The following NOTCH2 variants were observed in gnomAD, a reference collection of about 807,000 sequenced individuals.
NOTCH2 encodes neurogenic locus notch homolog protein 2.
In NOTCH2, 29 loss-of-function variants were observed where a neutral mutation model predicts 235.8. The ratio of observed to expected loss-of-function variants is 0.12; its 90% CI spans 0.09 to 0.17. NOTCH2 has a LOEUF of 0.17. Ranked by LOEUF, NOTCH2 falls within the 10% of genes least tolerant of loss-of-function variation. NOTCH2 has a pLI of 1.00. For missense variants in NOTCH2, 2,285 were observed against 3,150.2 expected, an observed-to-expected ratio of 0.73 and a Z score of 6.57; for synonymous variants, 1,086 against 1,141.5, an observed-to-expected ratio of 0.95 and a Z score of 0.98.
rs1654146991 is a variant in NOTCH2 at position 120,032,840 on chromosome 1, CTA to C, written c.74-2855_74-2854del. Among the ~76,000 whole-genome samples, 5 of 135,252 alleles carry C rather than the reference CTA, an allele frequency of 3.7e-5. No individual in the cohort carries two copies. In the South Asian group the frequency reaches 1.3e-3, roughly 36 times the overall value. The allele number at this position is 135,252 out of a possible 152,430, so 88.7% of individuals were successfully genotyped here. A position where few individuals can be genotyped will look rare whatever the true frequency, so the allele number is the denominator to read the frequency against. On this transcript the variant is annotated intron_variant, in intron 1 of 33. Transcript: ENST00000256646. ...GTCCACTTTTAAAAATACTCAAAAG[CTA>C]TATAATATAGAGGTCTTAGATGATT... is the stretch of plus-strand genomic sequence containing the variant.
chr1:119,974,280 AG>A (rs1335193005), intron 5 of NOTCH2, among the ~76,000 whole-genome samples: 1 of 152,222 alleles, frequency 6.6e-6, no homozygotes, highest in Non-Finnish European at 1.5e-5. Flanking sequence ...AGTTTTCAAG[AG>A]CAATAATTAT....
chr1:119,971,115 CCTAT>C (rs752617776), intron 5 of NOTCH2, among the ~76,000 whole-genome samples: 28 of 152,324 alleles, frequency 1.8e-4, no homozygotes, highest in Non-Finnish European at 2.8e-4. Context: ...GTTCTTTATT[CCTAT>C]CTAACATGTA....
intron 1 of NOTCH2, 129 bp downstream of exon 1, chr1:120,069,205 C>G: frequency 3.3e-6 from 5 of 1,527,464 alleles, no homozygotes; most frequent in Non-Finnish European, 4.4e-6. Flanking sequence ...GGGAACCCAG[C>G]GAGTGGCCTC....
Position 119,915,596 on chromosome 1 carries a change from A to G in NOTCH2, c.7126T>C (p.Phe2376Leu). The change falls in exon 34 of 34, where the codon TTC becomes CTC. Residue 2376 changes from phenylalanine to leucine, a missense_variant. Around this residue, in one of 6 missense-constraint regions of NOTCH2, gnomAD observed 504 missense variants for 538.0 expected, o/e 0.94. Transcript: ENST00000256646. Reference sequence around the variant, plus strand: ...GGGTACTTGCCCACAGAGGCTGGGAAAGGATGATAGGCTGGGAGAATGGTC... The same window carrying G: ...GGGTACTTGCCCACAGAGGCTGGGAGAGGATGATAGGCTGGGAGAATGGTC... ...AQTILPAYHP[F>L]PASVGKYPTP... 4 of 1,614,016 alleles carry G rather than the reference A, an allele frequency of 2.5e-6. No homozygotes were observed. The highest frequency in any genetic ancestry group is 3.4e-6 in the Non-Finnish European group (4 of 1,180,022).
chr1:119,941,744 C>G lies in NOTCH2; in HGVS notation c.2763G>C (p.Gln921His), dbSNP rs2101105919. 6.2e-7 allele frequency: 1 copy of G among 1,613,412 alleles called. No individual in the cohort carries two copies. Among genetic ancestry groups the G allele is most frequent in the Non-Finnish European group, 8.5e-7 (1 of 1,179,378 alleles). Residue 921 changes from glutamine (Q) to histidine (H), a missense_variant, in exon 18 of 34, where the codon CAG becomes CAC. Gln to His is a conservative substitution (Grantham distance 24). Coordinates refer to ENST00000256646, the MANE Select transcript of NOTCH2 (RefSeq NM_024408.4). ...CTCCATCCATACAGGAACCTCCATTCTGGCAAGGATCTAAGCCATTACAAA... is the reference window on the plus strand; with the variant it reads ...CTCCATCCATACAGGAACCTCCATTGTGGCAAGGATCTAAGCCATTACAAA... ...DIDDCLANPC[Q>H]NGGSCMDGVN... is the part of the protein sequence containing the mutation.
At chr1:119,922,921 C>T (rs1649338030) in intron 26 of NOTCH2, 143 bp from the exon 27 acceptor site, 1 of 933,056 alleles carries the variant, frequency 1.1e-6, no homozygotes, top group Non-Finnish European at 1.7e-6. Flanking sequence ...GGGATGCTGC[C>T]TTAAGACATA....
intron 1 of NOTCH2, among the ~76,000 whole-genome samples, chr1:120,047,974 G>A (rs587685095): frequency 6.9e-3 from 1,033 of 149,778 alleles, no homozygotes; most frequent in African/African-American, 0.025. Context: ...TGCCACATTG[G>A]CCAGGCTGGT....
At position 119,929,053 on chromosome 1, in the gene NOTCH2, G is replaced by A. The variant is rs1557808434; in HGVS notation, c.3815C>T (p.Pro1272Leu). 2 of 1,614,124 alleles carry A rather than the reference G, an allele frequency of 1.2e-6. No individual in the cohort carries two copies. The highest frequency in any genetic ancestry group is 1.7e-6 in the Non-Finnish European group (2 of 1,180,028). Residue 1272 changes from proline to leucine, a missense_variant, in exon 23 of 34, where the codon CCC becomes CTC. By Grantham distance (98) the Pro-to-Leu change is moderately conservative. Coordinates refer to ENST00000256646, the MANE Select transcript of NOTCH2 (RefSeq NM_024408.4). ...EGDINECLSNPCSSEGSLDCI... is the reference protein window; with the variant it reads ...EGDINECLSNLCSSEGSLDCI... ...GTCCAGGCTGCCCTCAGAGCTGCAGGGGTTGGAGAGGCACTCGTTGATGTC... is the reference window on the plus strand; with the variant it reads ...GTCCAGGCTGCCCTCAGAGCTGCAGAGGTTGGAGAGGCACTCGTTGATGTC...
At chr1:119,927,016 C>T (rs1178885065) in intron 23 of NOTCH2, among the ~76,000 whole-genome samples, 1 of 152,238 alleles carries the variant, frequency 6.6e-6, no homozygotes, top group Non-Finnish European at 1.5e-5. Context: ...AGAGGCTACA[C>T]CAGGCCAATA....
At chr1:119,999,968 AAAGAAAGAAAGG>A (rs1398319968) in intron 3 of NOTCH2, among the ~76,000 whole-genome samples, 1,801 of 99,976 alleles carry the variant, frequency 0.018, 7 homozygotes, top group Non-Finnish European at 0.021. Context: ...AGAAAGAAAG[AAAGAAAGAAAGG>A]AAGGAAGGAA....
At chr1:120,061,244 GT>G (rs759072921) in intron 1 of NOTCH2, among the ~76,000 whole-genome samples, 171 of 151,764 alleles carry the variant, frequency 1.1e-3, no homozygotes, top group Admixed American at 1.7e-3. Context: ...TTGAATGTTG[GT>G]TAGGTATACC....
In NOTCH2 at chr1:120,023,279, T is replaced by C. The variant is rs377209533; in HGVS notation, c.155+6627A>G. On this transcript the variant is annotated intron_variant, in intron 2 of 33. Transcript: ENST00000256646. ...AGTGAAACCCCGTCTCTACTAAAAA[T>C]ACAAAAAATTAGCCGGGCGTGGTGG... is the stretch of plus-strand genomic sequence containing the variant. 2.7e-5 allele frequency among the ~76,000 whole-genome samples: 4 copies of C among 150,598 alleles called. No individual in the cohort carries two copies. The South Asian group carries it at 8.5e-4, about 32-fold the overall frequency.
intron 17 of NOTCH2, among the ~76,000 whole-genome samples, chr1:119,947,834 C>T (rs190989779): frequency 6.6e-6 from 1 of 152,292 alleles, no homozygotes; most frequent in Admixed American, 6.5e-5. Context: ...ATATAAACAA[C>T]ATGGACGGAT....
chr1:119,925,796 T>C lies in NOTCH2; in HGVS notation c.4020A>G (p.Ala1340=), dbSNP rs1649454427. 3 of 1,614,150 alleles carry C rather than the reference T, an allele frequency of 1.9e-6. No individual in the cohort carries two copies. The highest frequency in any genetic ancestry group is 2.5e-6 in the Non-Finnish European group (3 of 1,180,042). The change falls in exon 25 of 34, where the codon GCA becomes GCG. Residue 1340 remains alanine (A), a synonymous_variant. Transcript: ENST00000256646. ...ICRCPPGFSG[A]RCQSSCGQVK... is the part of the protein sequence containing the mutation. The stretch of plus-strand genomic sequence containing the variant: ...CTTGTCCACAGCTGCTCTGGCACCT[T>C]GCCCCGGAAAATCCCTGTGGAAATC...
rs147188758 is a variant in NOTCH2, at chr1:119,921,896, C to T, written c.5214-87G>A. Reference sequence around the variant, plus strand: ...AACACTTTCCACCATGACACACTCCCGTGGCTATATTACAATTTTGCAGGG... The same window carrying T: ...AACACTTTCCACCATGACACACTCCTGTGGCTATATTACAATTTTGCAGGG... On this transcript the variant is annotated intron_variant, in intron 28 of 33. Transcript: ENST00000256646. The T allele has an allele frequency of 5.0e-5, 57 of 1,130,610 alleles. 1 individual carries two copies. The highest frequency in any genetic ancestry group is 4.8e-4 in the South Asian group (38 of 79,002). The allele number at this position is 1,130,610 out of a possible 1,614,324, so 70.0% of individuals were successfully genotyped here.
intron 6 of NOTCH2, 88 bp from the exon 7 acceptor site, chr1:119,968,320 C>A: frequency 7.4e-7 from 1 of 1,346,240 alleles, no homozygotes; most frequent in East Asian, 2.4e-5. Context: ...GGGAAAACCT[C>A]ATGATCAGTT....
intron 16 of NOTCH2, among the ~76,000 whole-genome samples, chr1:119,948,785 T>C (rs1408843875): frequency 6.6e-6 from 1 of 152,074 alleles, no homozygotes; most frequent in African/African-American, 2.4e-5. Flanking sequence ...TTGTGAGGCT[T>C]AGGTTGCAGC....
In NOTCH2 at chr1:119,916,570, C is replaced by T. The variant is rs192122939; in HGVS notation, c.6152G>A (p.Arg2051Gln). 23 of 1,613,608 alleles carry T rather than the reference C, an allele frequency of 1.4e-5. No individual in the cohort carries two copies. In the African/African-American group the frequency reaches 1.5e-4, roughly 10 times the overall value. ...HMDRLPRDVA[R>Q]DRMHHDIVRL... ...CACAATGTCATGGTGCATGCGATCC[C>T]GAGCCACATCCCGGGGAAGACGATC... Residue 2051 changes from arginine (R) to glutamine (Q), a missense_variant, in exon 34 of 34, where the codon CGG (arginine) becomes CAG (glutamine). Physicochemically the swap from Arg to Gln is conservative, Grantham distance 43. Coordinates refer to ENST00000256646, the MANE Select transcript of NOTCH2 (RefSeq NM_024408.4).
At chr1:119,965,718 G>C in intron 9 of NOTCH2, 152 bp from the exon 10 acceptor site, 1 of 713,692 alleles carries the variant, frequency 1.4e-6, no homozygotes. Context: ...GGAATAACCA[G>C]GTGACACTCA....
Sources: gnomAD v4.1 joint callset for allele counts (sites outside exome capture counted in the v4.1 genomes callset) on GRCh38, gnomAD v4.1.1 for gene constraint, gnomAD v4.1.1 regional missense constraint, MANE v1.5 for transcripts, NCBI Gene and HGNC (gene_info 2026-07-23, HGNC 2026-07-21) for gene names.